The following ZNF75D variants were observed in gnomAD, a reference collection of about 807,000 sequenced individuals.
The protein encoded by ZNF75D is zinc finger protein 75.
ZNF75D carries 33 observed loss-of-function variants against 33.3 expected under a neutral mutation model. The observed-to-expected ratio is 0.99, with a 90% confidence interval of 0.75 to 1.32. The LOEUF is 1.32. Among genes scored for constraint, ZNF75D ranks in the 40% most tolerant of loss-of-function variants. The probability of loss-of-function intolerance (pLI) is 0.00; values close to 1 mark genes in which losing one functional copy is unlikely to be tolerated. For synonymous variants in ZNF75D, 113 were observed against 130.6 expected (o/e 0.87, Z 0.92); for missense variants, 338 against 367.5 (o/e 0.92, Z 0.66).
rs370568789 is a variant in ZNF75D at position 135,343,404 on chromosome X, A to G, written c.-2027T>C. 2.3e-3 allele frequency: 327 copies of G among 140,838 alleles called. 1 individual carries two copies. Among genetic ancestry groups the G allele is most frequent in the African/African-American group, 9.7e-3 (309 of 32,017 alleles). 11.6% of individuals were successfully genotyped at this position (140,838 alleles called of 1,213,427 possible). ...GACAGGATAGTCAGGAACTCCTCCA[A>G]CACCAGCAACTCCAGAATCTGCTCC... On this transcript the variant is annotated 5_prime_UTR_variant, in exon 1 of 7. Coordinates refer to ENST00000370766, the MANE Select transcript of ZNF75D (RefSeq NM_007131.5).
intron 1 of ZNF75D, among the ~76,000 whole-genome samples, chrX:135,318,087 A>AT (rs1278807048): frequency 0.013 from 1,193 of 95,045 alleles, 17 homozygotes; most frequent in Non-Finnish European, 0.015. Flanking sequence ...ATATATATAT[A>AT]TTTTTTTTTT....
intron 1 of ZNF75D, among the ~76,000 whole-genome samples, chrX:135,275,768 T>A: frequency 9.0e-6 from 1 of 111,419 alleles, no homozygotes; most frequent in Middle Eastern, 4.6e-3. Flanking sequence ...GTTCCATTTA[T>A]CTGAAATTCC....
At chrX:135,263,899 G>A (rs1273292700) in intron 1 of ZNF75D, among the ~76,000 whole-genome samples, 2 of 111,987 alleles carry the variant, frequency 1.8e-5, no homozygotes, top group East Asian at 2.8e-4. Context: ...CTTCTGAGTC[G>A]ATCACGCTGG....
chrX:135,342,367 G>T lies in ZNF75D; in HGVS notation c.-990C>A, dbSNP rs1244266625. 1.8e-5 allele frequency: 2 copies of T among 112,153 alleles called. No homozygotes were observed. Among genetic ancestry groups the T allele is most frequent in the African/African-American group, 3.3e-5 (1 of 30,767 alleles). 9.2% of individuals were successfully genotyped at this position (112,153 alleles called of 1,213,427 possible). ...CATCATGACAGGGCTCGATAGAAAA[G>T]AAAAATTATGACAGGAATCTGCGTG... On this transcript the variant is annotated 5_prime_UTR_variant, in exon 1 of 7. Transcript: ENST00000370766.
downstream of ZNF75D, among the ~76,000 whole-genome samples, chrX:135,281,301 C>T (rs2148464856): frequency 9.1e-6 from 1 of 109,503 alleles, no homozygotes; most frequent in Non-Finnish European, 1.9e-5. Context: ...GTGTATGCTT[C>T]ATGAAGTTCT....
At chrX:135,303,100 C>A (rs1390241607) in intron 1 of ZNF75D, among the ~76,000 whole-genome samples, 2 of 111,026 alleles carry the variant, frequency 1.8e-5, no homozygotes, top group South Asian at 4.0e-4. Context: ...GTATTGCTGC[C>A]CGCATGTCCC....
chrX:135,261,379 C>T (rs1332224376), intron 1 of ZNF75D, among the ~76,000 whole-genome samples: 2 of 111,786 alleles, frequency 1.8e-5, no homozygotes, highest in Non-Finnish European at 3.8e-5. Context: ...GTTGATCTGT[C>T]TAATATTGAC....
intron 1 of ZNF75D, among the ~76,000 whole-genome samples, chrX:135,277,034 A>G (rs2083901659): frequency 8.9e-6 from 1 of 111,853 alleles, no homozygotes; most frequent in Non-Finnish European, 1.9e-5. Context: ...GTCAAATGGT[A>G]TTTCTGGTTC....
intron 1 of ZNF75D, among the ~76,000 whole-genome samples, chrX:135,276,692 T>C (rs781893528): frequency 1.2e-4 from 13 of 106,790 alleles, no homozygotes; most frequent in Admixed American, 4.0e-4. Context: ...CACTCCTATG[T>C]CCATGTATTC....
intron 1 of ZNF75D, among the ~76,000 whole-genome samples, chrX:135,278,135 T>G (rs2083906473): frequency 8.9e-6 from 1 of 111,982 alleles, no homozygotes; most frequent in African/African-American, 3.2e-5. Context: ...TGGAATGATT[T>G]TCCATTTGTT....
At chrX:135,275,203 AT>A (rs1398892470) in intron 1 of ZNF75D, among the ~76,000 whole-genome samples, 1 of 112,610 alleles carries the variant, frequency 8.9e-6, no homozygotes, top group Non-Finnish European at 1.9e-5. Context: ...CTTAGTCTTG[AT>A]TAATGCAAAA....
intron 6 of ZNF75D, among the ~76,000 whole-genome samples, chrX:135,290,114 T>C (rs1459719546): frequency 8.9e-6 from 1 of 112,378 alleles, no homozygotes; most frequent in Non-Finnish European, 1.9e-5. Context: ...TTAGTATGTA[T>C]TTATTCAAAC....
At chrX:135,266,241 C>T (rs781886435) in intron 1 of ZNF75D, among the ~76,000 whole-genome samples, 1 of 111,353 alleles carries the variant, frequency 9.0e-6, no homozygotes, top group East Asian at 2.8e-4. Context: ...AACCAGAAAA[C>T]AAATAACAAA....
downstream of ZNF75D, among the ~76,000 whole-genome samples, chrX:135,285,050 C>A (rs1443895896): frequency 2.7e-5 from 3 of 111,737 alleles, no homozygotes; most frequent in East Asian, 8.4e-4. Flanking sequence ...AGGGCACAAT[C>A]TCAGATCATT....
chrX:135,341,534 C>T (rs187021431), intron 1 of ZNF75D, among the ~76,000 whole-genome samples: 17 of 111,729 alleles, frequency 1.5e-4, no homozygotes, highest in Non-Finnish European at 2.6e-4. Flanking sequence ...TTCCCCAGTT[C>T]CAGAATGTAT....
intron 6 of ZNF75D, among the ~76,000 whole-genome samples, chrX:135,289,809 C>G (rs1017271891): frequency 8.9e-6 from 1 of 111,769 alleles, no homozygotes; most frequent in African/African-American, 3.3e-5. Flanking sequence ...AACAATATAT[C>G]CCATGGCAGA....
intron 1 of ZNF75D, among the ~76,000 whole-genome samples, chrX:135,319,683 T>A: frequency 8.9e-6 from 1 of 112,134 alleles, no homozygotes; most frequent in Admixed American, 9.4e-5. Context: ...GGGGCCAATA[T>A]GGTTCTGCAA....
rs1185015436 is a variant in ZNF75D, at chrX:135,319,631, T to C, written c.-391+22137A>G. Reference sequence around the variant, plus strand: ...CATTTTGAATGATTGTGGAGGTGATTAGGGAAATTTACTGAAATGTCTAAG... The same window carrying C: ...CATTTTGAATGATTGTGGAGGTGATCAGGGAAATTTACTGAAATGTCTAAG... On this transcript the variant is annotated intron_variant, in intron 1 of 6. Coordinates refer to ENST00000370766, the MANE Select transcript of ZNF75D (RefSeq NM_007131.5). 4.5e-5 allele frequency among the ~76,000 whole-genome samples: 5 copies of C among 112,050 alleles called. No homozygotes were observed. The Admixed American group carries it at 4.7e-4, about 11-fold the overall frequency.
intron 1 of ZNF75D, among the ~76,000 whole-genome samples, chrX:135,264,495 C>T (rs959793649): frequency 8.9e-6 from 1 of 111,762 alleles, no homozygotes; most frequent in Non-Finnish European, 1.9e-5. Context: ...TGAACATCTA[C>T]AAGCATCAAC....
Sources: gnomAD v4.1 joint callset for allele counts (sites outside exome capture counted in the v4.1 genomes callset) on GRCh38, gnomAD v4.1.1 for gene constraint, MANE v1.5 for transcripts, NCBI Gene and HGNC (gene_info 2026-07-23, HGNC 2026-07-21) for gene names.